GTF2F2: variants seen among roughly 807,000 people sequenced by gnomAD.
The protein encoded by GTF2F2 is ATP-dependent helicase GTF2F2.
Under a neutral mutation model 42.2 loss-of-function variants are expected in GTF2F2, and 23 were observed. The ratio of observed to expected loss-of-function variants is 0.55; its 90% CI spans 0.39 to 0.77. GTF2F2 has a LOEUF of 0.77. Ranked by LOEUF, GTF2F2 falls within the 30% of genes least tolerant of loss-of-function variation. The pLI is 0.00. For missense variants in GTF2F2, 261 were observed against 287.2 expected (o/e 0.91, Z 0.66); for synonymous variants, 105 against 100.8 (o/e 1.04, Z -0.25).
chr13:45,256,680 AG>A (rs887514981), intron 6 of GTF2F2, among the ~76,000 whole-genome samples: 10 of 152,326 alleles, frequency 6.6e-5, no homozygotes, highest in African/African-American at 2.4e-4. Context: ...CTATAGAAAG[AG>A]TATAACATTT....
intron 4 of GTF2F2, among the ~76,000 whole-genome samples, chr13:45,161,463 A>G (rs1871030906): frequency 6.6e-6 from 1 of 152,120 alleles, no homozygotes; most frequent in African/African-American, 2.4e-5. Flanking sequence ...TACCTAATAG[A>G]GACACTCCTC....
At chr13:45,223,254 T>G (rs1874189230) in intron 5 of GTF2F2, among the ~76,000 whole-genome samples, 1 of 113,130 alleles carries the variant, frequency 8.8e-6, no homozygotes, top group East Asian at 2.3e-4. Flanking sequence ...AGGGAGACCT[T>G]GTCTCAATAA....
At chr13:45,203,225 C>T (rs1285045532) in intron 4 of GTF2F2, among the ~76,000 whole-genome samples, 2 of 151,392 alleles carry the variant, frequency 1.3e-5, no homozygotes, top group Non-Finnish European at 2.9e-5. Context: ...TACAGGCATG[C>T]ACCACCACGC....
At chr13:45,139,709 A>G (rs993941748) in intron 2 of GTF2F2, among the ~76,000 whole-genome samples, 3 of 152,154 alleles carry the variant, frequency 2.0e-5, no homozygotes, top group Non-Finnish European at 1.5e-5. Context: ...TGTGTTGTTC[A>G]TATCGCCTAC....
chr13:45,135,049 G>A (rs1869545914), intron 1 of GTF2F2, among the ~76,000 whole-genome samples: 1 of 152,022 alleles, frequency 6.6e-6, no homozygotes, highest in Admixed American at 6.6e-5. Flanking sequence ...CACCTCCTGG[G>A]TTCAAGCAAT....
chr13:45,121,829 ACTCAGTGTGACT>A (rs1412516217), intron 1 of GTF2F2, among the ~76,000 whole-genome samples: 2 of 152,148 alleles, frequency 1.3e-5, no homozygotes, highest in African/African-American at 4.8e-5. Context: ...TTATTTCCAA[ACTCAGTGTGACT>A]TAAAAGGATG....
chr13:45,133,124 G>A (rs888043627), intron 1 of GTF2F2, among the ~76,000 whole-genome samples: 1 of 152,126 alleles, frequency 6.6e-6, no homozygotes, highest in African/African-American at 2.4e-5. Context: ...GTTTTGCCAC[G>A]CTAGTATGAC....
intron 1 of GTF2F2, 87 bp downstream of exon 1, chr13:45,120,808 T>A (rs972376935): frequency 3.4e-5 from 32 of 944,334 alleles, no homozygotes; most frequent in Middle Eastern, 4.2e-4. Flanking sequence ...GTGCGCCTCT[T>A]AAAGTTCTTT....
At chr13:45,267,081 G>A in intron 6 of GTF2F2, 152 bp from the exon 7 acceptor site, 1 of 523,658 alleles carries the variant, frequency 1.9e-6, no homozygotes, top group Non-Finnish European at 3.3e-6. Context: ...CCCAGGAGGT[G>A]GGGGTTGCAG....
chr13:45,176,829 A>G (rs1191183225), intron 4 of GTF2F2, among the ~76,000 whole-genome samples: 1 of 151,826 alleles, frequency 6.6e-6, no homozygotes, highest in East Asian at 1.9e-4. Flanking sequence ...CGCTCCACCC[A>G]GGCTGGAGTG....
At chr13:45,219,886 G>A (rs1230511401) in intron 5 of GTF2F2, among the ~76,000 whole-genome samples, 1 of 152,210 alleles carries the variant, frequency 6.6e-6, no homozygotes, top group Non-Finnish European at 1.5e-5. Flanking sequence ...AATTAATAAT[G>A]TTCAGGCAGA....
chr13:45,163,254 G>T (rs1274383709), intron 4 of GTF2F2, among the ~76,000 whole-genome samples: 1 of 151,974 alleles, frequency 6.6e-6, no homozygotes, highest in Non-Finnish European at 1.5e-5. Flanking sequence ...TTGATTCATT[G>T]TATACTTAAG....
At chr13:45,122,056 GA>G (rs1868668413) in intron 1 of GTF2F2, among the ~76,000 whole-genome samples, 1 of 152,150 alleles carries the variant, frequency 6.6e-6, no homozygotes, top group African/African-American at 2.4e-5. Context: ...ATGGGGAATG[GA>G]ACAGAAATGC....
chr13:45,243,833 G>A (rs897775794), intron 5 of GTF2F2, among the ~76,000 whole-genome samples: 1 of 152,058 alleles, frequency 6.6e-6, no homozygotes, highest in African/African-American at 2.4e-5. Flanking sequence ...GCTAATTTTT[G>A]TATTTTTAGT....
intron 4 of GTF2F2, chr13:45,194,325 C>T: frequency 1.2e-6 from 2 of 1,614,114 alleles, no homozygotes; most frequent in Non-Finnish European, 1.7e-6. Flanking sequence ...GGAGACCATC[C>T]CTGTCTATGA....
chr13:45,177,597 T>C (rs1221946871), intron 4 of GTF2F2, among the ~76,000 whole-genome samples: 1 of 152,146 alleles, frequency 6.6e-6, no homozygotes, highest in East Asian at 1.9e-4. Context: ...TCACTGTGTA[T>C]GTGTTCAAAT....
chr13:45,203,964 T>C (rs1238458436), intron 4 of GTF2F2, among the ~76,000 whole-genome samples: 1 of 152,196 alleles, frequency 6.6e-6, no homozygotes, highest in Non-Finnish European at 1.5e-5. Flanking sequence ...AAGGGATCAA[T>C]GATGTCAAGA....
At chr13:45,243,329 C>G (rs1410186894) in intron 5 of GTF2F2, among the ~76,000 whole-genome samples, 1 of 152,186 alleles carries the variant, frequency 6.6e-6, no homozygotes, top group Non-Finnish European at 1.5e-5. Context: ...AGCTCCGCCT[C>G]CTGTCTGATC....
In GTF2F2 at chr13:45,170,092, C is replaced by T. The variant is rs142840410; in HGVS notation, c.304+18261C>T. Among the ~76,000 whole-genome samples the T allele has an allele frequency of 2.3e-3, 343 of 152,284 alleles. 12 individuals carry two copies. The highest frequency in any genetic ancestry group is 5.4e-4 in the Non-Finnish European group (37 of 68,022). ...AGGCTGGACTGCAGTGCTATGATCTCAGTTCACTGCAACCTCTAACTTCTG... is the reference window on the plus strand; with the variant it reads ...AGGCTGGACTGCAGTGCTATGATCTTAGTTCACTGCAACCTCTAACTTCTG... On this transcript the variant is annotated intron_variant, in intron 4 of 7. Transcript: ENST00000340473.
Sources: allele counts gnomAD v4.1 joint callset (sites outside exome capture counted in the v4.1 genomes callset), GRCh38; gene constraint gnomAD v4.1.1; transcripts MANE v1.5; gene names NCBI Gene and HGNC (gene_info 2026-07-23, HGNC 2026-07-21).